The following ADCY5 variants were observed in gnomAD, a reference collection of about 807,000 sequenced individuals.
ADCY5 encodes adenylate cyclase 5, also known as adenylate cyclase type 5.
Under a neutral mutation model 119.7 loss-of-function variants are expected in ADCY5, and 30 were observed. The observed-to-expected ratio is 0.25, with a 90% CI of 0.19 to 0.34. The LOEUF (loss-of-function observed/expected upper bound fraction) is 0.34, where lower values mean the gene tolerates loss of function less well. Among genes scored for constraint, ADCY5 ranks in the 10% least tolerant of loss-of-function variants. ADCY5 has a pLI of 1.00. For synonymous variants in ADCY5, 753 were observed against 762.2 expected (o/e 0.99, Z 0.20); for missense variants, 1,324 against 1,775.2 (o/e 0.75, Z 4.57).
chr3:123,396,373 G>C (rs1944564109), intron 1 of ADCY5, among the ~76,000 whole-genome samples: 2 of 122,906 alleles, frequency 1.6e-5, no homozygotes, highest in Non-Finnish European at 3.3e-5. Flanking sequence ...GGAGGAAGAA[G>C]GAAGGAAGGG....
chr3:123,288,035 G>T (rs1245064120), intron 19 of ADCY5, among the ~76,000 whole-genome samples: 2 of 152,240 alleles, frequency 1.3e-5, no homozygotes, highest in Non-Finnish European at 2.9e-5. Context: ...AGTGCGTGAC[G>T]TTAATGCAGA....
intron 3 of ADCY5, among the ~76,000 whole-genome samples, chr3:123,339,207 A>G (rs1289862737): frequency 6.6e-5 from 10 of 152,188 alleles, no homozygotes; most frequent in Non-Finnish European, 1.2e-4. Flanking sequence ...TTTTTGACCA[A>G]GAGTGCTGTC....
intron 3 of ADCY5, among the ~76,000 whole-genome samples, chr3:123,346,733 G>C (rs945663153): frequency 6.6e-6 from 1 of 152,030 alleles, no homozygotes; most frequent in African/African-American, 2.4e-5. Context: ...AGCCTCCAAA[G>C]AGTCCTCTTT....
chr3:123,445,209 A>AG (rs1169636429), intron 1 of ADCY5, among the ~76,000 whole-genome samples: 1 of 152,236 alleles, frequency 6.6e-6, no homozygotes, highest in African/African-American at 2.4e-5. Context: ...AGTGGGTAAA[A>AG]GAACAGGGTA....
rs375173379 is a variant in ADCY5 at position 123,291,331 on chromosome 3, G to T, written c.3109C>A (p.Arg1037=). Residue 1037 remains arginine, a synonymous_variant, in exon 18 of 21, where the codon CGG becomes AGG. Coordinates refer to ENST00000462833, the MANE Select transcript of ADCY5 (RefSeq NM_183357.3). ...GGCAGGATGTTGTGCAGCAGCCGCC[G>T]GTTGTAGGCCTGCAGCTCCTCCATC... ...EEMEELQAYN[R]RLLHNILPKD... is the part of the protein sequence containing the mutation. 9 of 1,613,946 alleles carry T rather than the reference G, an allele frequency of 5.6e-6. No homozygotes were observed. In the South Asian group the frequency reaches 9.9e-5, roughly 18 times the overall value.
Position 123,423,607 on chromosome 3 carries a change from AG to A in ADCY5, c.1134+23804del, listed in dbSNP as rs200430161. ...TCAGAGTTCCCAATCTGCTGAGGACAGACAAGCCCCTGCCCTCAAGAGCTCC... is the reference window on the plus strand; with the variant it reads ...TCAGAGTTCCCAATCTGCTGAGGACAACAAGCCCCTGCCCTCAAGAGCTCC... On this transcript the variant is annotated intron_variant, in intron 1 of 20. Coordinates refer to ENST00000462833, the MANE Select transcript of ADCY5 (RefSeq NM_183357.3). Among the ~76,000 whole-genome samples, 338 of 152,298 alleles carry A rather than the reference AG, an allele frequency of 2.2e-3. 10 individuals carry two copies. The highest frequency in any genetic ancestry group is 0.017 in the East Asian group (88 of 5,170).
At chr3:123,289,699 C>G in intron 19 of ADCY5, 51 bp downstream of exon 19, 1 of 1,596,038 alleles carries the variant, frequency 6.3e-7, no homozygotes, top group Non-Finnish European at 8.6e-7. Context: ...CCCCTGCCAG[C>G]CCTCTGCCTG....
chr3:123,347,845 A>G lies in ADCY5; in HGVS notation c.1343T>C (p.Ile448Thr), dbSNP rs1223422840. 6.2e-7 allele frequency: 1 copy of G among 1,613,992 alleles called. No homozygotes were observed. The highest frequency in any genetic ancestry group is 8.5e-7 in the Non-Finnish European group (1 of 1,179,994). The change falls in exon 3 of 21, where the codon ATC (isoleucine) becomes ACC (threonine). Residue 448 changes from isoleucine (I) to threonine (T), a missense_variant. By Grantham distance (89) the Ile-to-Thr change is moderately conservative (BLOSUM62 -1). This residue lies in a region of ADCY5 where 123 missense variants were observed against 287.9 expected (regional missense o/e 0.43). Coordinates refer to ENST00000462833, the MANE Select transcript of ADCY5 (RefSeq NM_183357.3). ...CATCATATCCTCCTGCTTGGCGTTG[A>G]TGTCTGCTTTCATCTCCATGGCAAC... ...RHVAMEMKAD[I>T]NAKQEDMMFH...
chr3:123,320,981 C>T (rs1008569719), intron 8 of ADCY5, among the ~76,000 whole-genome samples: 7 of 152,134 alleles, frequency 4.6e-5, no homozygotes, highest in East Asian at 1.9e-4. Context: ...CTGTGCTAGA[C>T]GCCGGGGATG....
chr3:123,389,247 G>C (rs1453079019), intron 1 of ADCY5, among the ~76,000 whole-genome samples: 2 of 152,140 alleles, frequency 1.3e-5, no homozygotes, highest in East Asian at 1.9e-4. Flanking sequence ...GCTACAGAGA[G>C]GACAGCAGTG....
At chr3:123,358,155 C>CGTGT (rs6148049) in intron 1 of ADCY5, among the ~76,000 whole-genome samples, 6,465 of 140,836 alleles carry the variant, frequency 0.046, 198 homozygotes, top group South Asian at 0.064. Flanking sequence ...ACATGGAACA[C>CGTGT]GTGTGTGTGT....
At chr3:123,367,969 A>G in intron 1 of ADCY5, 2 of 1,531,102 alleles carry the variant, frequency 1.3e-6, no homozygotes, top group East Asian at 2.4e-5. Context: ...GGCCCTACCC[A>G]GCACTACACA....
chr3:123,348,046 T>TGTGC (rs1942648425), intron 2 of ADCY5, 143 bp from the exon 3 acceptor site: 8 of 703,130 alleles, frequency 1.1e-5, no homozygotes, highest in Non-Finnish European at 1.9e-5. Flanking sequence ...AGTGTGTGTG[T>TGTGC]GTGTGTGTGT....
intron 3 of ADCY5, among the ~76,000 whole-genome samples, chr3:123,342,361 A>G (rs752644647): frequency 2.0e-5 from 3 of 152,180 alleles, no homozygotes; most frequent in Non-Finnish European, 4.4e-5. Flanking sequence ...AGGAGAGGAG[A>G]TAATAACCTT....
chr3:123,382,839 CT>C (rs1334001088), intron 1 of ADCY5, among the ~76,000 whole-genome samples: 2 of 148,888 alleles, frequency 1.3e-5, no homozygotes, highest in African/African-American at 5.0e-5. Flanking sequence ...CTGGTAGTGG[CT>C]GCCCACCATG....
intron 1 of ADCY5, among the ~76,000 whole-genome samples, chr3:123,369,089 G>C (rs1014058718): frequency 2.0e-5 from 3 of 152,172 alleles, no homozygotes; most frequent in Non-Finnish European, 2.9e-5. Flanking sequence ...AATTGGAGGT[G>C]GGGCCTCTGG....
At chr3:123,332,896 A>T (rs537412434) in intron 3 of ADCY5, among the ~76,000 whole-genome samples, 1 of 151,880 alleles carries the variant, frequency 6.6e-6, no homozygotes, top group East Asian at 1.9e-4. Flanking sequence ...CTGGGACTAC[A>T]AGAGTTTGCC....
intron 1 of ADCY5, among the ~76,000 whole-genome samples, chr3:123,381,780 C>T (rs1944040850): frequency 6.6e-6 from 1 of 152,232 alleles, no homozygotes; most frequent in African/African-American, 2.4e-5. Context: ...CATCTCAGAC[C>T]TTTCCTCAGC....
Position 123,352,708 on chromosome 3 carries a change from C to A in ADCY5, c.1135-127G>T. Reference sequence around the variant, plus strand: ...TAGCAAACAAATGCTGAGGGCACCCCACACGCGGCCAACCACTGTGAGCAG... The same window carrying A: ...TAGCAAACAAATGCTGAGGGCACCCAACACGCGGCCAACCACTGTGAGCAG... On this transcript the variant is annotated intron_variant, in intron 1 of 20. Coordinates refer to ENST00000462833, the MANE Select transcript of ADCY5 (RefSeq NM_183357.3). This position sits in a 1 kb window ranked among gnomAD's most constrained non-coding sequence, Gnocchi z 4.8. 1 of 1,110,492 alleles carries A rather than the reference C, an allele frequency of 9.0e-7. No individual in the cohort carries two copies. The highest frequency in any genetic ancestry group is 2.6e-5 in the East Asian group (1 of 37,816). The allele number at this position is 1,110,492 out of a possible 1,614,324, so 68.8% of individuals were successfully genotyped here.
Sources: gnomAD v4.1 joint callset for allele counts (sites outside exome capture counted in the v4.1 genomes callset) on GRCh38, gnomAD v4.1.1 for gene constraint, gnomAD v4.1.1 regional missense constraint, Gnocchi (gnomAD v3.1) non-coding constraint, MANE v1.5 for transcripts, NCBI Gene and HGNC (gene_info 2026-07-23, HGNC 2026-07-21) for gene names.